Variants in SYT9 observed in about 807,000 individuals in gnomAD.
SYT9 encodes the protein synaptotagmin 9, also known as synaptotagmin-9.
In SYT9, 22 loss-of-function variants were observed where a neutral mutation model predicts 48.4. That is an observed-to-expected ratio of 0.45 (90% CI 0.32 to 0.65). The LOEUF (loss-of-function observed/expected upper bound fraction) is 0.65. Among genes scored for constraint, SYT9 ranks in the 30% least tolerant of loss-of-function variants. The pLI is 0.03. For synonymous variants in SYT9, 265 were observed against 245.0 expected, an observed-to-expected ratio of 1.08 and a Z score of -0.76; for missense variants, 577 against 622.0, an observed-to-expected ratio of 0.93 and a Z score of 0.77.
At chr11:7,443,636 C>A (rs1590034792) in intron 6 of SYT9, among the ~76,000 whole-genome samples, 1 of 152,252 alleles carries the variant, frequency 6.6e-6, no homozygotes, top group East Asian at 1.9e-4. Context: ...CTGAAACTCT[C>A]TTCTACCCAC....
intron 6 of SYT9, chr11:7,454,426 C>A: frequency 2.1e-6 from 1 of 479,900 alleles, no homozygotes; most frequent in Non-Finnish European, 2.7e-6. Context: ...ATCCCCACAT[C>A]CTATCCCAAG....
At chr11:7,413,589 C>T (rs1303704229) in intron 3 of SYT9, among the ~76,000 whole-genome samples, 4 of 152,154 alleles carry the variant, frequency 2.6e-5, no homozygotes, top group East Asian at 1.9e-4. Context: ...CCAAACCCCC[C>T]GAGCAGGCTA....
At chr11:7,263,180 A>C (rs569597405) in intron 1 of SYT9, among the ~76,000 whole-genome samples, 1 of 152,214 alleles carries the variant, frequency 6.6e-6, no homozygotes, top group Non-Finnish European at 1.5e-5. Flanking sequence ...CAAAACTACC[A>C]TAAGCTGGGT....
chr11:7,405,075 CT>C (rs1284209419), intron 3 of SYT9, among the ~76,000 whole-genome samples: 3 of 146,138 alleles, frequency 2.1e-5, no homozygotes, highest in Non-Finnish European at 4.5e-5. Flanking sequence ...TTCTTCACAT[CT>C]GATACCTGTC....
intron 1 of SYT9, among the ~76,000 whole-genome samples, chr11:7,258,421 G>A (rs1451898300): frequency 6.6e-6 from 1 of 152,108 alleles, no homozygotes; most frequent in East Asian, 1.9e-4. Context: ...TGTTTATTTG[G>A]TGGGCTCTAG....
At chr11:7,316,188 A>G in intron 3 of SYT9, among the ~76,000 whole-genome samples, 1 of 151,886 alleles carries the variant, frequency 6.6e-6, no homozygotes, top group East Asian at 1.9e-4. Flanking sequence ...GAAAAATTAA[A>G]TGAACAGGCC....
intron 1 of SYT9, among the ~76,000 whole-genome samples, chr11:7,259,371 C>G (rs1485058381): frequency 2.0e-5 from 3 of 152,028 alleles, no homozygotes; most frequent in Admixed American, 6.5e-5. Flanking sequence ...TCTTTTGAGG[C>G]TATTCTAGCT....
At chr11:7,412,357 T>C (rs1288500924) in intron 3 of SYT9, among the ~76,000 whole-genome samples, 1 of 152,242 alleles carries the variant, frequency 6.6e-6, no homozygotes, top group Non-Finnish European at 1.5e-5. Flanking sequence ...TCTCTGAAGA[T>C]TATCTATGAT....
chr11:7,409,157 A>G (rs1211161669), intron 3 of SYT9, among the ~76,000 whole-genome samples: 2 of 152,184 alleles, frequency 1.3e-5, no homozygotes, highest in South Asian at 2.1e-4. Flanking sequence ...TATTGAGATG[A>G]TCATATGATT....
At chr11:7,336,187 G>C (rs967632463) in intron 3 of SYT9, among the ~76,000 whole-genome samples, 18 of 152,040 alleles carry the variant, frequency 1.2e-4, no homozygotes, top group Non-Finnish European at 8.8e-5. Flanking sequence ...TAATAGGGTT[G>C]TTTGTTTTTC....
At chr11:7,295,522 A>G (rs897186897) in intron 1 of SYT9, among the ~76,000 whole-genome samples, 2 of 152,212 alleles carry the variant, frequency 1.3e-5, no homozygotes, top group African/African-American at 4.8e-5. Flanking sequence ...AAGAAGCTTG[A>G]GGCTTTCTCT....
intron 1 of SYT9, among the ~76,000 whole-genome samples, chr11:7,300,238 A>G (rs1265316797): frequency 6.6e-6 from 1 of 152,080 alleles, no homozygotes; most frequent in Non-Finnish European, 1.5e-5. Context: ...TTGTCAGTCA[A>G]GTTTAAGTTT....
In SYT9 at chr11:7,252,478, C is replaced by T. The variant is rs1238574314; in HGVS notation, c.145+147C>T. ...CCAGGAGAGTGATCAAGAACCAGCGCACTGTGGCCTGATGCTGTAACCAGG... is the reference window on the plus strand; with the variant it reads ...CCAGGAGAGTGATCAAGAACCAGCGTACTGTGGCCTGATGCTGTAACCAGG... On this transcript the variant is annotated intron_variant, in intron 1 of 6. Transcript: ENST00000318881. The surrounding 1 kb of genome is among the most constrained non-coding windows in gnomAD (Gnocchi z 6.3). 2.2e-6 allele frequency: 2 copies of T among 904,710 alleles called. No individual in the cohort carries two copies. The highest frequency in any genetic ancestry group is 3.0e-6 in the Non-Finnish European group (2 of 670,492). 56.0% of individuals were successfully genotyped at this position (904,710 alleles called of 1,614,324 possible). A position where few individuals can be genotyped will look rare whatever the true frequency, so the allele number is the denominator to read the frequency against.
At chr11:7,352,804 T>C (rs73397546) in intron 3 of SYT9, among the ~76,000 whole-genome samples, 2,001 of 152,290 alleles carry the variant, frequency 0.013, 48 homozygotes, top group African/African-American at 0.044. Flanking sequence ...GAGAAAGGCA[T>C]CAAAGAGTAA....
intron 1 of SYT9, among the ~76,000 whole-genome samples, chr11:7,291,260 A>G (rs905116167): frequency 6.6e-6 from 1 of 152,200 alleles, no homozygotes; most frequent in Non-Finnish European, 1.5e-5. Context: ...GTAGATTTGC[A>G]ATGGTAAATG....
intron 3 of SYT9, among the ~76,000 whole-genome samples, chr11:7,376,138 A>G (rs1345703366): frequency 6.6e-6 from 1 of 151,946 alleles, no homozygotes; most frequent in Non-Finnish European, 1.5e-5. Flanking sequence ...ACACATTCTT[A>G]TTCACCTCTG....
In SYT9 at chr11:7,314,699, G is replaced by A. The variant is rs138365079; in HGVS notation, c.1044+758G>A. 2.0e-4 allele frequency among the ~76,000 whole-genome samples: 31 copies of A among 152,240 alleles called. 1 individual carries two copies. The East Asian group carries it at 6.0e-3, about 29-fold the overall frequency. On this transcript the variant is annotated intron_variant, in intron 3 of 6. Transcript: ENST00000318881. ...GTGTTGGCATTCCAGAAATAGAAAG[G>A]AAAATTGAACATTCTTAGGTAACTC...
At chr11:7,266,931 G>A (rs1396689972) in intron 1 of SYT9, among the ~76,000 whole-genome samples, 2 of 151,926 alleles carry the variant, frequency 1.3e-5, no homozygotes, top group Non-Finnish European at 2.9e-5. Context: ...TAAATGTTTA[G>A]GAAGTAGTTT....
chr11:7,452,118 A>AACACACACACACACACAC (rs142000557), intron 6 of SYT9, among the ~76,000 whole-genome samples: 3,445 of 147,514 alleles, frequency 0.023, 57 homozygotes, highest in African/African-American at 0.041. Flanking sequence ...TTATATTTAA[A>AACACACACACACACACAC]ACACACACAC....
Sources: allele counts gnomAD v4.1 joint callset (sites outside exome capture counted in the v4.1 genomes callset), GRCh38; gene constraint gnomAD v4.1.1; non-coding constraint Gnocchi (gnomAD v3.1); transcripts MANE v1.5; gene names NCBI Gene and HGNC (gene_info 2026-07-23, HGNC 2026-07-21).